The following UTRN variants were observed in gnomAD, a reference collection of about 807,000 sequenced individuals.
The protein encoded by UTRN is utrophin, also known as dystrophin-related protein 1.
In UTRN, 283 loss-of-function variants were observed where a neutral mutation model predicts 463.9. That is an observed-to-expected ratio of 0.61 (90% confidence interval 0.55 to 0.67). UTRN has a LOEUF of 0.67. UTRN is among the 30% of genes least tolerant of loss of function. The pLI is 0.00. For missense variants in UTRN, 3,922 were observed against 4,084.3 expected, an observed-to-expected ratio of 0.96 and a Z score of 1.08; for synonymous variants, 1,442 against 1,431.5, an observed-to-expected ratio of 1.01 and a Z score of -0.17.
rs755686854 is a variant in UTRN, at chr6:144,459,337, A to C, written c.2690A>C (p.Gln897Pro). Residue 897 changes from glutamine (Q) to proline (P), a missense_variant, in exon 21 of 75, where the codon CAA becomes CCA. Around this residue, in one of 3 missense-constraint regions of UTRN, gnomAD observed 2,349 missense variants for 2,303.8 expected, o/e 1.02. Coordinates refer to ENST00000367545, the MANE Select transcript of UTRN (RefSeq NM_007124.3). ...QAVQEAVEDR[Q>P]QHLENELKGQ... Reference sequence around the variant, plus strand: ...GTACAAGAGGCTGTAGAGGATCGTCAACAACATCTAGAGAATGGTAAACCC... The same window carrying C: ...GTACAAGAGGCTGTAGAGGATCGTCCACAACATCTAGAGAATGGTAAACCC... The C allele has an allele frequency of 6.2e-7, 1 of 1,604,388 alleles. No homozygotes were observed.
chr6:144,545,913 G>A (rs954591944), intron 46 of UTRN, among the ~76,000 whole-genome samples: 11 of 152,146 alleles, frequency 7.2e-5, no homozygotes, highest in African/African-American at 2.7e-4. Context: ...CCAGCTACTT[G>A]GGAAGCTGAG....
intron 61 of UTRN, 61 bp from the exon 62 acceptor site, chr6:144,789,133 A>G: frequency 7.6e-7 from 1 of 1,308,734 alleles, no homozygotes. Flanking sequence ...ATTCAGAAAC[A>G]ATGAACATGC....
Position 144,700,213 on chromosome 6 carries a change from A to G in UTRN, c.7779A>G (p.Pro2593=), listed in dbSNP as rs779946867. The change falls in exon 53 of 75, where the codon CCA becomes CCG. Residue 2593 remains proline (P), a synonymous_variant. Coordinates refer to ENST00000367545, the MANE Select transcript of UTRN (RefSeq NM_007124.3). ...AAATGCCTATTGGAGGAGATGTTCC[A>G]GCCTTACAGCTCCAGTATGACCATT... The part of the protein sequence containing the change: ...KKQMPIGGDV[P]ALQLQYDHCK... The G allele has an allele frequency of 2.5e-6, 4 of 1,613,458 alleles. No homozygotes were observed. Among genetic ancestry groups the G allele is most frequent in the East Asian group, 2.2e-5 (1 of 44,866 alleles).
chr6:144,593,032 A>G (rs929384582), intron 51 of UTRN, among the ~76,000 whole-genome samples: 2 of 152,206 alleles, frequency 1.3e-5, no homozygotes, highest in African/African-American at 4.8e-5. Flanking sequence ...ATCTGAATTT[A>G]AAATGTCAGA....
At chr6:144,847,022 A>G (rs576117101) in intron 74 of UTRN, among the ~76,000 whole-genome samples, 195 bp downstream of exon 74, 4 of 152,358 alleles carry the variant, frequency 2.6e-5, no homozygotes, top group African/African-American at 9.6e-5. Flanking sequence ...CACAGATACC[A>G]AAAATACCAT....
At chr6:144,390,783 G>A (rs1317642491) in intron 2 of UTRN, among the ~76,000 whole-genome samples, 1 of 152,096 alleles carries the variant, frequency 6.6e-6, no homozygotes, top group African/African-American at 2.4e-5. Context: ...ATTTGTCTAT[G>A]AATTTATGAA....
chr6:144,705,112 T>C (rs939309561), intron 53 of UTRN, among the ~76,000 whole-genome samples: 1 of 152,164 alleles, frequency 6.6e-6, no homozygotes, highest in East Asian at 1.9e-4. Flanking sequence ...TAATCTACTG[T>C]GAATTGTGTG....
intron 51 of UTRN, among the ~76,000 whole-genome samples, chr6:144,605,781 CA>C (rs1804784232): frequency 6.6e-6 from 1 of 150,894 alleles, no homozygotes. Context: ...AGTATAAATG[CA>C]GGCTAAGTTT....
intron 66 of UTRN, 89 bp from the exon 67 acceptor site, chr6:144,827,259 A>G (rs973568949): frequency 2.0e-6 from 3 of 1,491,196 alleles, no homozygotes; most frequent in Non-Finnish European, 2.8e-6. Flanking sequence ...AAGATAATTG[A>G]GAATCTCCCC....
intron 9 of UTRN, among the ~76,000 whole-genome samples, chr6:144,435,004 C>T (rs957454218): frequency 2.0e-5 from 3 of 152,106 alleles, no homozygotes; most frequent in African/African-American, 7.2e-5. Context: ...TAGAAAGGTC[C>T]GTTTGGCAAT....
chr6:144,317,340 G>T (rs188394610), intron 2 of UTRN, among the ~76,000 whole-genome samples: 142 of 152,118 alleles, frequency 9.3e-4, no homozygotes, highest in Non-Finnish European at 1.7e-3. Flanking sequence ...ATTGCAGGAA[G>T]TTCGCCAACG....
intron 64 of UTRN, among the ~76,000 whole-genome samples, chr6:144,801,814 C>T (rs1777725127): frequency 6.6e-6 from 1 of 152,166 alleles, no homozygotes; most frequent in Non-Finnish European, 1.5e-5. Flanking sequence ...TCATCCCTAA[C>T]ATGTGGCTTC....
intron 23 of UTRN, among the ~76,000 whole-genome samples, chr6:144,470,147 A>G (rs909267822): frequency 6.6e-6 from 1 of 151,976 alleles, no homozygotes; most frequent in Non-Finnish European, 1.5e-5. Flanking sequence ...TCTTTTCCCC[A>G]CACTTCCCCC....
chr6:144,449,698 T>G (rs1788059951), intron 17 of UTRN, among the ~76,000 whole-genome samples: 2 of 152,316 alleles, frequency 1.3e-5, no homozygotes, highest in South Asian at 2.1e-4. Flanking sequence ...GATAAAATAT[T>G]CATAGTTCAC....
chr6:144,515,593 C>T (rs1001915069), intron 37 of UTRN, among the ~76,000 whole-genome samples: 10 of 152,044 alleles, frequency 6.6e-5, no homozygotes, highest in Admixed American at 1.3e-4. Flanking sequence ...GAGCTTTAGA[C>T]ATTTAATTAA....
intron 58 of UTRN, among the ~76,000 whole-genome samples, chr6:144,763,230 A>G (rs1412956647): frequency 6.6e-6 from 1 of 152,200 alleles, no homozygotes; most frequent in Non-Finnish European, 1.5e-5. Context: ...ACTTGTCTAT[A>G]TCTATAAAAT....
At position 144,426,411 on chromosome 6, in the gene UTRN, C is replaced by A. The variant is rs550714040; in HGVS notation, c.530C>A (p.Thr177Asn). ...YSQVNVLNFT[T>N]SWTDGLAFNA... ...CAAGTCAACGTCCTCAACTTCACCACCAGCTGGACAGATGGACTCGCCTTT... is the reference window on the plus strand; with the variant it reads ...CAAGTCAACGTCCTCAACTTCACCAACAGCTGGACAGATGGACTCGCCTTT... The change falls in exon 7 of 75, where the codon ACC becomes AAC. Residue 177 changes from threonine to asparagine, a missense_variant. Thr to Asn is a moderately conservative substitution (Grantham distance 65). This residue lies in a region of UTRN where 264 missense variants were observed against 327.9 expected (regional missense o/e 0.81). Transcript: ENST00000367545. 13 of 1,614,174 alleles carry A rather than the reference C, an allele frequency of 8.1e-6. No individual in the cohort carries two copies. In the African/African-American group the frequency reaches 1.5e-4, roughly 18 times the overall value.
At chr6:144,701,921 C>T (rs1394748490) in intron 53 of UTRN, among the ~76,000 whole-genome samples, 1 of 152,006 alleles carries the variant, frequency 6.6e-6, no homozygotes, top group Non-Finnish European at 1.5e-5. Flanking sequence ...AAAAGGAAAA[C>T]ACTGTTGATG....
intron 2 of UTRN, among the ~76,000 whole-genome samples, chr6:144,385,639 C>T (rs1781341653): frequency 6.6e-6 from 1 of 151,760 alleles, no homozygotes; most frequent in African/African-American, 2.4e-5. Context: ...CAAATTTTTT[C>T]TTTTAAAGGC....
Sources: gnomAD v4.1 joint callset for allele counts (sites outside exome capture counted in the v4.1 genomes callset) on GRCh38, gnomAD v4.1.1 for gene constraint, gnomAD v4.1.1 regional missense constraint, MANE v1.5 for transcripts, NCBI Gene and HGNC (gene_info 2026-07-23, HGNC 2026-07-21) for gene names.